RBFOX1: variants seen among roughly 807,000 people sequenced by gnomAD.
RBFOX1 encodes RNA binding protein fox-1 homolog 1.
RBFOX1 carries 8 observed loss-of-function variants against 57.7 expected under a neutral mutation model. The observed-to-expected ratio is 0.14, with a 90% confidence interval of 0.08 to 0.25. The LOEUF is 0.25. Ranked by LOEUF, RBFOX1 falls within the 10% of genes least tolerant of loss-of-function variation. The pLI is 1.00. For synonymous variants in RBFOX1, 326 were observed against 222.4 expected, an observed-to-expected ratio of 1.47 and a Z score of -4.15; for missense variants, 611 against 548.5, an observed-to-expected ratio of 1.11 and a Z score of -1.14.
intron 2 of RBFOX1, among the ~76,000 whole-genome samples, chr16:6,317,558 T>A (rs2081265747): frequency 6.6e-6 from 1 of 152,068 alleles, no homozygotes; most frequent in South Asian, 2.1e-4. Context: ...AAAAAAGAAA[T>A]TTTTTACTTT....
At chr16:7,159,053 A>T (rs544818774) in intron 4 of RBFOX1, among the ~76,000 whole-genome samples, 1 of 151,282 alleles carries the variant, frequency 6.6e-6, no homozygotes, top group East Asian at 1.9e-4. Context: ...GGCAACCACT[A>T]ACCTGTTCTT....
intron 11 of RBFOX1, among the ~76,000 whole-genome samples, chr16:7,645,417 C>T (rs1427901741): frequency 3.9e-5 from 6 of 152,276 alleles, no homozygotes; most frequent in Non-Finnish European, 2.9e-5. Flanking sequence ...TATTGTCTTT[C>T]CCCAAATAAA....
intron 1 of RBFOX1, among the ~76,000 whole-genome samples, chr16:6,075,543 A>C (rs12931744): frequency 6.6e-6 from 1 of 152,080 alleles, no homozygotes; most frequent in African/African-American, 2.4e-5. Flanking sequence ...CTGAGATGTG[A>C]AAAGTCAATT....
chr16:6,743,031 C>G (rs28847092), intron 3 of RBFOX1, among the ~76,000 whole-genome samples: 2,314 of 152,180 alleles, frequency 0.015, 58 homozygotes, highest in African/African-American at 0.053. Flanking sequence ...AAATGGGTTA[C>G]CAATGTCACT....
intron 2 of RBFOX1, among the ~76,000 whole-genome samples, chr16:5,581,719 A>T (rs141207243): frequency 1.2e-3 from 180 of 152,308 alleles, no homozygotes; most frequent in Non-Finnish European, 2.2e-3. Flanking sequence ...AGCTGATGCA[A>T]GGGTCAAAAA....
chr16:7,243,747 G>A (rs956982439), intron 4 of RBFOX1, among the ~76,000 whole-genome samples: 1 of 151,962 alleles, frequency 6.6e-6, no homozygotes, highest in Non-Finnish European at 1.5e-5. Context: ...ACAGGGTTTC[G>A]CTGTGCTTCC....
At chr16:7,534,703 C>G (rs985849173) in intron 5 of RBFOX1, among the ~76,000 whole-genome samples, 2 of 152,154 alleles carry the variant, frequency 1.3e-5, no homozygotes, top group African/African-American at 4.8e-5. Flanking sequence ...TGACAGGTTT[C>G]CTTTTCACAG....
intron 3 of RBFOX1, among the ~76,000 whole-genome samples, chr16:5,664,275 C>T (rs992742365): frequency 3.9e-5 from 6 of 152,182 alleles, no homozygotes; most frequent in Non-Finnish European, 8.8e-5. Context: ...CCTGGCCGGG[C>T]GCAGTGGCTC....
At chr16:6,177,789 T>A (rs1175602079) in intron 1 of RBFOX1, among the ~76,000 whole-genome samples, 1 of 152,084 alleles carries the variant, frequency 6.6e-6, no homozygotes, top group Non-Finnish European at 1.5e-5. Context: ...ACTTTCATAC[T>A]CATTGTGGAC....
intron 10 of RBFOX1, among the ~76,000 whole-genome samples, chr16:7,624,522 A>G (rs544210662): frequency 1.0e-3 from 153 of 152,338 alleles, no homozygotes; most frequent in African/African-American, 3.6e-3. Flanking sequence ...ATGGAGTTCA[A>G]CAGATGTACC....
At chr16:6,733,599 C>G (rs1450330581) in intron 3 of RBFOX1, among the ~76,000 whole-genome samples, 1 of 152,080 alleles carries the variant, frequency 6.6e-6, no homozygotes, top group East Asian at 1.9e-4. Flanking sequence ...ACCTGAGATC[C>G]TTACAGGAAG....
intron 3 of RBFOX1, among the ~76,000 whole-genome samples, chr16:5,843,248 C>T (rs1015879171): frequency 6.6e-6 from 1 of 152,188 alleles, no homozygotes; most frequent in African/African-American, 2.4e-5. Flanking sequence ...GGTACTAAGC[C>T]TCGGACCCAA....
intron 1 of RBFOX1, among the ~76,000 whole-genome samples, chr16:5,286,620 C>T (rs559453306): frequency 2.6e-5 from 4 of 152,316 alleles, no homozygotes; most frequent in African/African-American, 9.6e-5. Flanking sequence ...AGAATGGAAT[C>T]ACAGACTTGT....
At position 6,457,448 on chromosome 16, in the gene RBFOX1, C is replaced by CT. The variant is rs1555484699; in HGVS notation, c.-64+140391_-64+140392insT. ...GTGAATTTCCGGAAGTCCCCCCCCC[C>CT]GCAATAGCTTTGATTTGACATGGAG... On this transcript the variant is annotated intron_variant, in intron 2 of 15. Coordinates refer to ENST00000550418, the MANE Select transcript of RBFOX1 (RefSeq NM_018723.4). Among the ~76,000 whole-genome samples the CT allele has an allele frequency of 1.2e-4, 18 of 148,298 alleles. No individual in the cohort carries two copies. The East Asian group carries it at 2.0e-3, about 17-fold the overall frequency.
At chr16:6,476,047 C>T (rs193008276) in intron 2 of RBFOX1, among the ~76,000 whole-genome samples, 3 of 152,114 alleles carry the variant, frequency 2.0e-5, no homozygotes, top group Admixed American at 6.5e-5. Flanking sequence ...TATCATCCAG[C>T]GTTTGAAGAG....
At chr16:7,217,810 A>G (rs2092337691) in intron 4 of RBFOX1, among the ~76,000 whole-genome samples, 1 of 152,246 alleles carries the variant, frequency 6.6e-6, no homozygotes, top group South Asian at 2.1e-4. Flanking sequence ...TAGGGAGTTC[A>G]TCTGAAAGAC....
At chr16:5,633,537 A>G (rs1043830972) in intron 3 of RBFOX1, among the ~76,000 whole-genome samples, 4 of 152,168 alleles carry the variant, frequency 2.6e-5, no homozygotes, top group East Asian at 1.9e-4. Flanking sequence ...AGAATCTACA[A>G]GGAACTCAAA....
rs1372036224 is a variant in RBFOX1 at position 7,683,385 on chromosome 16, A to G, written c.995+6547A>G. On this transcript the variant is annotated intron_variant, in intron 14 of 15. Transcript: ENST00000550418. ...AAAATGTGTTCAACTTTCTCTCTCA[A>G]GAACTAATTGCCTTTGGTCCATAAT... 3.3e-5 allele frequency among the ~76,000 whole-genome samples: 5 copies of G among 151,954 alleles called. No homozygotes were observed. The East Asian group carries it at 5.8e-4, about 18-fold the overall frequency.
intron 4 of RBFOX1, among the ~76,000 whole-genome samples, chr16:7,378,754 A>G (rs2097731698): frequency 6.6e-6 from 1 of 152,086 alleles, no homozygotes; most frequent in South Asian, 2.1e-4. Flanking sequence ...TCAATGGCTG[A>G]TCTAAGTACT....
Sources: gnomAD v4.1 joint callset for allele counts (sites outside exome capture counted in the v4.1 genomes callset) on GRCh38, gnomAD v4.1.1 for gene constraint, MANE v1.5 for transcripts, NCBI Gene and HGNC (gene_info 2026-07-23, HGNC 2026-07-21) for gene names.